Variants in NUDCD1 observed in about 807,000 individuals in gnomAD.
NUDCD1 encodes the protein NudC domain containing 1, also known as nudC domain-containing protein 1.
A neutral mutation model predicts 67.8 loss-of-function variants in NUDCD1; 60 were observed. The observed-to-expected ratio is 0.88, with a 90% CI of 0.72 to 1.10. NUDCD1 has a LOEUF of 1.10. NUDCD1 is among the 50% of genes least tolerant of loss of function. The probability of loss-of-function intolerance (pLI) is 0.00; values close to 1 mark genes in which losing one functional copy is unlikely to be tolerated. For missense variants in NUDCD1, 643 were observed against 695.0 expected (o/e 0.93, Z 0.84); for synonymous variants, 244 against 230.8 (o/e 1.06, Z -0.52).
At chr8:109,284,943 G>T (rs764558087) in intron 5 of NUDCD1, among the ~76,000 whole-genome samples, 9 of 149,856 alleles carry the variant, frequency 6.0e-5, no homozygotes, top group Admixed American at 2.0e-4. Context: ...CAAAAAAAGA[G>T]AAGATGCAAA....
chr8:109,265,067 T>C (rs958759285), intron 8 of NUDCD1, among the ~76,000 whole-genome samples: 2 of 152,012 alleles, frequency 1.3e-5, no homozygotes, highest in Non-Finnish European at 2.9e-5. Flanking sequence ...TTAAAAGGCT[T>C]GCTAAGAATA....
chr8:109,292,096 T>C (rs529552421), intron 4 of NUDCD1, among the ~76,000 whole-genome samples: 10 of 152,078 alleles, frequency 6.6e-5, no homozygotes, highest in Non-Finnish European at 1.0e-4. Context: ...TAAAGAATAA[T>C]ATTTAAATAT....
At chr8:109,266,392 A>ATTTTTTTT (rs71305931) in intron 8 of NUDCD1, among the ~76,000 whole-genome samples, 76 of 87,476 alleles carry the variant, frequency 8.7e-4, no homozygotes, top group Non-Finnish European at 9.9e-4. Flanking sequence ...TGCCCGGCTA[A>ATTTTTTTT]TTTTTTTTTT....
chr8:109,270,575 A>G (rs1184698428), intron 8 of NUDCD1, among the ~76,000 whole-genome samples: 1 of 152,230 alleles, frequency 6.6e-6, no homozygotes, highest in East Asian at 1.9e-4. Flanking sequence ...TAGCATCATC[A>G]TAAATAATGT....
chr8:109,273,681 G>A (rs932980443), intron 7 of NUDCD1, among the ~76,000 whole-genome samples: 1 of 151,966 alleles, frequency 6.6e-6, no homozygotes, highest in African/African-American at 2.4e-5. Context: ...ATAGTTAAGT[G>A]CCTTCCAAAA....
intron 9 of NUDCD1, among the ~76,000 whole-genome samples, chr8:109,244,133 G>C (rs1021480305): frequency 1.3e-5 from 2 of 151,852 alleles, no homozygotes; most frequent in Non-Finnish European, 2.9e-5. Flanking sequence ...CAATGAATAA[G>C]CAAAGGAACT....
At chr8:109,317,705 A>C (rs960014231) in intron 2 of NUDCD1, among the ~76,000 whole-genome samples, 2 of 151,720 alleles carry the variant, frequency 1.3e-5, no homozygotes, top group African/African-American at 2.4e-5. Context: ...GAATATGTGC[A>C]AAAAAAACTA....
intron 7 of NUDCD1, among the ~76,000 whole-genome samples, chr8:109,272,570 G>T (rs191795448): frequency 9.2e-5 from 14 of 152,088 alleles, no homozygotes; most frequent in African/African-American, 2.4e-4. Flanking sequence ...CAATAATTAA[G>T]GAATAAATTA....
intron 8 of NUDCD1, among the ~76,000 whole-genome samples, chr8:109,266,793 TCA>T (rs1814012548): frequency 6.6e-6 from 1 of 152,202 alleles, no homozygotes; most frequent in Non-Finnish European, 1.5e-5. Context: ...TATTAAATAT[TCA>T]GTTCTGATAT....
At chr8:109,325,776 G>A (rs189874210) in intron 1 of NUDCD1, among the ~76,000 whole-genome samples, 144 of 152,286 alleles carry the variant, frequency 9.5e-4, no homozygotes, top group African/African-American at 3.2e-3. Context: ...TTAAGCAGGA[G>A]AGTAAAGTTC....
intron 8 of NUDCD1, among the ~76,000 whole-genome samples, chr8:109,259,476 T>C (rs759486974): frequency 6.6e-6 from 1 of 152,202 alleles, no homozygotes; most frequent in Non-Finnish European, 1.5e-5. Flanking sequence ...GAAGATGGAA[T>C]GCTGACAGAG....
chr8:109,333,838 G>A, intron 1 of NUDCD1, 55 bp downstream of exon 1: 2 of 1,595,254 alleles, frequency 1.3e-6, no homozygotes, highest in Non-Finnish European at 1.7e-6. Context: ...GGGTCAGGCC[G>A]GAGGCAGCCG....
At position 109,261,038 on chromosome 8, in the gene NUDCD1, C is replaced by T. The variant is rs560517970; in HGVS notation, c.1299+9967G>A. Among the ~76,000 whole-genome samples, 19 of 152,170 alleles carry T rather than the reference C, an allele frequency of 1.2e-4. 1 individual carries two copies. The East Asian group carries it at 3.1e-3, about 25-fold the overall frequency. ...ATTTGTAGAACACTTTAATCCAAGGCCAAGACTCTAAGATAATTTAAGAAA... is the reference window on the plus strand; with the variant it reads ...ATTTGTAGAACACTTTAATCCAAGGTCAAGACTCTAAGATAATTTAAGAAA... On this transcript the variant is annotated intron_variant, in intron 8 of 9. Coordinates refer to ENST00000239690, the MANE Select transcript of NUDCD1 (RefSeq NM_032869.4).
intron 2 of NUDCD1, among the ~76,000 whole-genome samples, chr8:109,311,556 G>GATATATATATATATATATATATATATAT (rs1563681331): frequency 2.4e-4 from 13 of 53,960 alleles, no homozygotes; most frequent in African/African-American, 1.5e-3. Flanking sequence ...AAGAAACTGT[G>GATATATATATATATATATATATATATAT]GTGTATATAT....
intron 7 of NUDCD1, among the ~76,000 whole-genome samples, chr8:109,273,505 G>C (rs1016782897): frequency 6.6e-6 from 1 of 151,420 alleles, no homozygotes; most frequent in African/African-American, 2.4e-5. Flanking sequence ...TTCAAAAATA[G>C]AAAAAAAGAG....
chr8:109,317,519 T>C (rs1343713322), intron 2 of NUDCD1, among the ~76,000 whole-genome samples: 2 of 152,208 alleles, frequency 1.3e-5, no homozygotes, highest in Non-Finnish European at 2.9e-5. Flanking sequence ...ATCAGGATAA[T>C]ATCAGGATAT....
chr8:109,256,989 T>G (rs1448767096), intron 8 of NUDCD1, among the ~76,000 whole-genome samples: 1 of 151,666 alleles, frequency 6.6e-6, no homozygotes, highest in Non-Finnish European at 1.5e-5. Flanking sequence ...AAAAAAAAAC[T>G]CAGCAAACTA....
rs555809592 is a variant in NUDCD1 at position 109,304,995 on chromosome 8, C to T, written c.274-8426G>A. Reference sequence around the variant, plus strand: ...TTCTGTCGTCATTTCATAACCTCTTCCATGTAGGTTACAAGCCACTAGCCC... The same window carrying T: ...TTCTGTCGTCATTTCATAACCTCTTTCATGTAGGTTACAAGCCACTAGCCC... On this transcript the variant is annotated intron_variant, in intron 2 of 9. Coordinates refer to ENST00000239690, the MANE Select transcript of NUDCD1 (RefSeq NM_032869.4). Among the ~76,000 whole-genome samples, 4 of 152,318 alleles carry T rather than the reference C, an allele frequency of 2.6e-5. No individual in the cohort carries two copies. The South Asian group carries it at 6.2e-4, about 24-fold the overall frequency.
chr8:109,329,385 A>G (rs1039978778), intron 1 of NUDCD1, among the ~76,000 whole-genome samples: 5 of 152,282 alleles, frequency 3.3e-5, no homozygotes, highest in Admixed American at 2.0e-4. Context: ...CCCCAAACAT[A>G]AGAATCATAA....
Sources: allele counts gnomAD v4.1 joint callset (sites outside exome capture counted in the v4.1 genomes callset), GRCh38; gene constraint gnomAD v4.1.1; transcripts MANE v1.5; gene names NCBI Gene and HGNC (gene_info 2026-07-23, HGNC 2026-07-21).